RHAG: variants seen among roughly 807,000 people sequenced by gnomAD.
The protein encoded by RHAG is ammonium transporter Rh type A.
RHAG carries 25 observed loss-of-function variants against 42.4 expected under a neutral mutation model. That is an observed-to-expected ratio of 0.59 (90% CI 0.43 to 0.82). The LOEUF (loss-of-function observed/expected upper bound fraction) is 0.82. Ranked by LOEUF, RHAG falls within the 40% of genes least tolerant of loss-of-function variation. The pLI is 0.00. For missense variants in RHAG, 483 were observed against 504.6 expected, an observed-to-expected ratio of 0.96 and a Z score of 0.41; for synonymous variants, 182 against 177.7, an observed-to-expected ratio of 1.02 and a Z score of -0.19.
In RHAG at chr6:49,614,833, A is replaced by G. The variant is rs1407371469; in HGVS notation, c.661T>C (p.Phe221Leu). Residue 221 changes from phenylalanine (F) to leucine (L), a missense_variant, in exon 5 of 10, where the codon TTT becomes CTT. Phe to Leu is a conservative substitution (Grantham distance 22, BLOSUM62 0). Transcript: ENST00000371175. ...AMIGTLFLWM[F>L]WPSFNSAIAE... ...ATGGCCGAGTTAAAGCTGGGCCAAA[A>G]CATCCACAGAAAGAGAGTCCCTGTA... The G allele has an allele frequency of 1.2e-6, 2 of 1,614,234 alleles. No individual in the cohort carries two copies. The highest frequency in any genetic ancestry group is 1.7e-6 in the Non-Finnish European group (2 of 1,180,042).
chr6:49,607,138 T>G lies in RHAG; in HGVS notation c.1138+12A>C. On this transcript the variant is annotated intron_variant, in intron 8 of 9. Transcript: ENST00000371175. ...CATAAGATACAGGGAAGTGTTCACT[T>G]TTTATGCTGACCTGTCATCAGACCT... 1 of 1,609,470 alleles carries G rather than the reference T, an allele frequency of 6.2e-7. No homozygotes were observed. The highest frequency in any genetic ancestry group is 8.5e-7 in the Non-Finnish European group (1 of 1,176,002).
At chr6:49,630,329 A>G (rs1022731201) in intron 1 of RHAG, among the ~76,000 whole-genome samples, 1 of 152,218 alleles carries the variant, frequency 6.6e-6, no homozygotes, top group Admixed American at 6.5e-5. Context: ...AGTGAATGCA[A>G]GTCTGAAGAT....
At position 49,606,725 on chromosome 6, in the gene RHAG, C is replaced by G. The variant is rs1186921777; in HGVS notation, c.1212+123G>C. ...TGCTGAGATTACATGTGTGAGCTAC[C>G]TACCATGCCAGGCTAACTCAATTTC... On this transcript the variant is annotated intron_variant, in intron 9 of 9. Transcript: ENST00000371175. The G allele has an allele frequency of 6.6e-6, 5 of 752,718 alleles. No individual in the cohort carries two copies. The East Asian group carries it at 1.3e-4, about 20-fold the overall frequency. The allele number at this position is 752,718 out of a possible 1,614,324, so 46.6% of individuals were successfully genotyped here. A position where few individuals can be genotyped will look rare whatever the true frequency, so the allele number is the denominator to read the frequency against.
At chr6:49,635,778 C>G (rs1431734381) in intron 1 of RHAG, among the ~76,000 whole-genome samples, 1 of 152,084 alleles carries the variant, frequency 6.6e-6, no homozygotes, top group Non-Finnish European at 1.5e-5. Context: ...AAAAGGGTGT[C>G]AAATTGTTTT....
At chr6:49,627,318 G>T (rs147035406) in intron 1 of RHAG, among the ~76,000 whole-genome samples, 1 of 152,094 alleles carries the variant, frequency 6.6e-6, no homozygotes, top group Non-Finnish European at 1.5e-5. Flanking sequence ...CAAGTTCAAA[G>T]TTCTGCAGAT....
chr6:49,615,857 TGG>T, intron 3 of RHAG, 86 bp from the exon 4 acceptor site: 1 of 1,360,068 alleles, frequency 7.4e-7, no homozygotes, highest in Non-Finnish European at 1.0e-6. Flanking sequence ...ATTGCATTGT[TGG>T]TTAAACAACT....
In RHAG at chr6:49,611,134, A is replaced by G. The variant is rs139193219; in HGVS notation, c.957T>C (p.Thr319=). The G allele has an allele frequency of 6.1e-5, 99 of 1,613,276 alleles. No homozygotes were observed. In the African/African-American group the frequency reaches 1.2e-3, roughly 20 times the overall value. ...LGYKFLTPLF[T]TKLRIHDTCG... ...ATGTATCATGGATCCTCAGTTTAGT[A>G]GTAAAAAGTGGCTAAAATTATAAAA... Residue 319 remains threonine, a synonymous_variant, in exon 7 of 10, where the codon ACT becomes ACC. Transcript: ENST00000371175.
At chr6:49,622,215 G>GA (rs1562016809) in intron 1 of RHAG, among the ~76,000 whole-genome samples, 1 of 122,088 alleles carries the variant, frequency 8.2e-6, no homozygotes, top group East Asian at 2.6e-4. Context: ...AAGATCTGAT[G>GA]GTTTTTTTTT....
At chr6:49,614,363 T>G (rs1562013757) in intron 5 of RHAG, among the ~76,000 whole-genome samples, 1 of 151,526 alleles carries the variant, frequency 6.6e-6, no homozygotes, top group Non-Finnish European at 1.5e-5. Context: ...TGGCTAATTT[T>G]TTTTTTTTTT....
chr6:49,629,618 G>A, intron 1 of RHAG, among the ~76,000 whole-genome samples: 1 of 152,068 alleles, frequency 6.6e-6, no homozygotes, highest in Non-Finnish European at 1.5e-5. Context: ...CATCGGGGAG[G>A]CTCGGGCACA....
chr6:49,622,124 TG>T (rs1376859007), intron 1 of RHAG, among the ~76,000 whole-genome samples: 1 of 151,872 alleles, frequency 6.6e-6, no homozygotes, highest in East Asian at 1.9e-4. Flanking sequence ...CCATGTGTTG[TG>T]GGAGGGACCT....
At chr6:49,629,920 C>G (rs1252734574) in intron 1 of RHAG, among the ~76,000 whole-genome samples, 2 of 152,200 alleles carry the variant, frequency 1.3e-5, no homozygotes, top group Non-Finnish European at 2.9e-5. Context: ...GGTTCCCGCT[C>G]GCGCCTCTCC....
chr6:49,612,635 A>G (rs1762586588), intron 5 of RHAG, 101 bp from the exon 6 acceptor site: 5 of 1,343,288 alleles, frequency 3.7e-6, no homozygotes, highest in Non-Finnish European at 5.3e-6. Context: ...CACATTCTTC[A>G]GTTGAAAGGG....
At chr6:49,635,790 T>TA (rs1338477362) in intron 1 of RHAG, among the ~76,000 whole-genome samples, 1 of 152,172 alleles carries the variant, frequency 6.6e-6, no homozygotes, top group South Asian at 2.1e-4. Flanking sequence ...AATTGTTTTT[T>TA]AAAAAGCTTA....
intron 9 of RHAG, among the ~76,000 whole-genome samples, chr6:49,606,431 T>C (rs1408137965): frequency 1.3e-5 from 2 of 152,172 alleles, no homozygotes; most frequent in African/African-American, 4.8e-5. Context: ...TCTGTCTTTC[T>C]GTCTTTCTGT....
chr6:49,612,570 G>A, intron 5 of RHAG, 36 bp from the exon 6 acceptor site: 1 of 1,613,154 alleles, frequency 6.2e-7, no homozygotes, highest in Non-Finnish European at 8.5e-7. Flanking sequence ...GAGGTGAGCT[G>A]GATGATGGAG....
At chr6:49,621,222 T>A (rs1249944717) in intron 1 of RHAG, among the ~76,000 whole-genome samples, 1 of 152,106 alleles carries the variant, frequency 6.6e-6, no homozygotes, top group Non-Finnish European at 1.5e-5. Flanking sequence ...CCCCTTCAGA[T>A]CAAAAGACTT....
chr6:49,619,506 T>C (rs1015666979), intron 1 of RHAG, 144 bp from the exon 2 acceptor site: 8 of 844,392 alleles, frequency 9.5e-6, no homozygotes, highest in Middle Eastern at 3.1e-4. Context: ...GCAAAAGTCT[T>C]GTTCCAATGC....
At chr6:49,615,795 A>G in intron 3 of RHAG, 24 bp from the exon 4 acceptor site, 6 of 1,611,698 alleles carry the variant, frequency 3.7e-6, no homozygotes, top group Non-Finnish European at 4.2e-6. Flanking sequence ...TAGCATTCAC[A>G]TAAATAGAGG....
Sources: gnomAD v4.1 joint callset for allele counts (sites outside exome capture counted in the v4.1 genomes callset) on GRCh38, gnomAD v4.1.1 for gene constraint, MANE v1.5 for transcripts, NCBI Gene and HGNC (gene_info 2026-07-23, HGNC 2026-07-21) for gene names.